Variants in CYP8B1 observed in about 807,000 individuals in gnomAD.
CYP8B1 encodes the protein 7-alpha-hydroxycholest-4-en-3-one 12-alpha-hydroxylase.
For synonymous variants in CYP8B1, 221 were observed against 251.2 expected (o/e 0.88, Z 1.14); for missense variants, 594 against 643.7 (o/e 0.92, Z 0.84).
chr3:42,874,058 C>G lies in CYP8B1; in HGVS notation c.*253G>C, dbSNP rs1225870299. 4 of 511,664 alleles carry G rather than the reference C, an allele frequency of 7.8e-6. No individual in the cohort carries two copies. In the Admixed American group the frequency reaches 1.4e-4, roughly 17 times the overall value. The allele number at this position is 511,664 out of a possible 1,614,324, so 31.7% of individuals were successfully genotyped here. ...CAAACCAAGTTGCCCACAGATACTC[C>G]CCCTTCCTCTGGACTTCCTGTGAGA... On this transcript the variant is annotated 3_prime_UTR_variant, in exon 1 of 1. Coordinates refer to ENST00000316161, the MANE Select transcript of CYP8B1 (RefSeq NM_004391.3).
At position 42,874,277 on chromosome 3, in the gene CYP8B1, C is replaced by T. The variant is rs778750576; in HGVS notation, c.*34G>A. 11 of 1,596,996 alleles carry T rather than the reference C, an allele frequency of 6.9e-6. No individual in the cohort carries two copies. Among genetic ancestry groups the T allele is most frequent in the East Asian group, 2.2e-5 (1 of 44,818 alleles). On this transcript the variant is annotated 3_prime_UTR_variant, in exon 1 of 1. Transcript: ENST00000316161. ...AACAGGTGAGAGATGCAATAGAACT[C>T]CTCTGGCCAGGTTTGCAGCTGGCTT...
At position 42,875,554 on chromosome 3, in the gene CYP8B1, G is replaced by A; in HGVS notation, c.263C>T (p.Ser88Phe). Residue 88 changes from serine (S) to phenylalanine (F), a missense_variant, in exon 1 of 1, where the codon TCC (serine) becomes TTC (phenylalanine). Ser to Phe is a radical substitution (Grantham distance 155, BLOSUM62 -2). Coordinates refer to ENST00000316161, the MANE Select transcript of CYP8B1 (RefSeq NM_004391.3). Reference sequence around the variant, plus strand: ...TTTTCTCTGTGTGTCCTTGAGGATGGAGCCAAAGGAGAGGGGGTCCATGAC... The same window carrying A: ...TTTTCTCTGTGTGTCCTTGAGGATGAAGCCAAAGGAGAGGGGGTCCATGAC... ...TFVMDPLSFG[S>F]ILKDTQRKLD... 6.6e-7 allele frequency: 1 copy of A among 1,523,196 alleles called. No homozygotes were observed. The highest frequency in any genetic ancestry group is 8.8e-7 in the Non-Finnish European group (1 of 1,134,294). 94.4% of individuals were successfully genotyped at this position (1,523,196 alleles called of 1,614,324 possible). A position where few individuals can be genotyped will look rare whatever the true frequency, so the allele number is the denominator to read the frequency against.
rs953058812 is a variant in CYP8B1 at position 42,874,687 on chromosome 3, C to T, written c.1130G>A (p.Arg377His). ...KMSSGQEYLF[R>H]HGDILALFPY... ...AAAGAGGGCCAGGATGTCTCCATGG[C>T]GGAACAGATACTCCTGCCCACTGGA... The change falls in exon 1 of 1, where the codon CGC becomes CAC. Residue 377 changes from arginine (R) to histidine (H), a missense_variant. By Grantham distance (29) the Arg-to-His change is conservative. Coordinates refer to ENST00000316161, the MANE Select transcript of CYP8B1 (RefSeq NM_004391.3). The T allele has an allele frequency of 8.7e-6, 14 of 1,613,994 alleles. No homozygotes were observed. Among genetic ancestry groups the T allele is most frequent in the South Asian group, 1.1e-5 (1 of 91,050 alleles).
At position 42,875,150 on chromosome 3, in the gene CYP8B1, G is replaced by C; in HGVS notation, c.667C>G (p.Pro223Ala). 1.9e-6 allele frequency: 3 copies of C among 1,612,238 alleles called. No individual in the cohort carries two copies. Among genetic ancestry groups the C allele is most frequent in the Non-Finnish European group, 2.5e-6 (3 of 1,179,078 alleles). The change falls in exon 1 of 1, where the codon CCC (proline) becomes GCC (alanine). Residue 223 changes from proline to alanine, a missense_variant. Pro to Ala is a conservative substitution (Grantham distance 27). Coordinates refer to ENST00000316161, the MANE Select transcript of CYP8B1 (RefSeq NM_004391.3). Reference protein sequence around the residue: ...FPRFVYSLLWPREWLEVGRLQ... With the variant: ...FPRFVYSLLWAREWLEVGRLQ... ...CGGCCCACTTCTAGCCACTCCCGGG[G>C]CCACAGCAGGGAGTAGACAAACCTT...
At position 42,874,330 on chromosome 3, in the gene CYP8B1, C is replaced by T. The variant is rs774791142; in HGVS notation, c.1487G>A (p.Arg496His). The change falls in exon 1 of 1, where the codon CGC becomes CAC. Residue 496 changes from arginine (R) to histidine (H), a missense_variant. Arg to His is a conservative substitution (Grantham distance 29, BLOSUM62 0). Coordinates refer to ENST00000316161, the MANE Select transcript of CYP8B1 (RefSeq NM_004391.3). The stretch of plus-strand genomic sequence containing the variant: ...CCAAGCTCACTCTGTAGGATGCAGG[C>T]GGTAGCGGAAGCGCACATCGTGGCT... ...QPSHDVRFRY[R>H]LHPTE 43 of 1,613,796 alleles carry T rather than the reference C, an allele frequency of 2.7e-5. No homozygotes were observed. The East Asian group carries it at 3.6e-4, about 13-fold the overall frequency.
rs1334601163 is a variant in CYP8B1, at chr3:42,872,627, A to G, written c.*1684T>C. 2 of 152,310 alleles carry G rather than the reference A, an allele frequency of 1.3e-5. No homozygotes were observed. The highest frequency in any genetic ancestry group is 3.9e-4 in the East Asian group (2 of 5,192). The allele number at this position is 152,310 out of a possible 1,614,324, so 9.4% of individuals were successfully genotyped here. On this transcript the variant is annotated 3_prime_UTR_variant, in exon 1 of 1. Transcript: ENST00000316161. ...GTCAAAGGGGAACCAGGAAAGTAAA[A>G]GAGTGACAATCAGCAGTGCTTTTGG...
In CYP8B1 at chr3:42,872,612, A is replaced by G. The variant is rs890065443; in HGVS notation, c.*1699T>C. 3 of 152,294 alleles carry G rather than the reference A, an allele frequency of 2.0e-5. No individual in the cohort carries two copies. The highest frequency in any genetic ancestry group is 1.3e-4 in the Admixed American group (2 of 15,284). 9.4% of individuals were successfully genotyped at this position (152,294 alleles called of 1,614,324 possible). On this transcript the variant is annotated 3_prime_UTR_variant, in exon 1 of 1. Transcript: ENST00000316161. ...CGTCAAGTGTGTGAAGTCAAAGGGG[A>G]ACCAGGAAAGTAAAAGAGTGACAAT... is the stretch of plus-strand genomic sequence containing the variant.
At position 42,874,601 on chromosome 3, in the gene CYP8B1, C is replaced by G. The variant is rs1037585674; in HGVS notation, c.1216G>C (p.Asp406His). Residue 406 changes from aspartate to histidine, a missense_variant, in exon 1 of 1, where the codon GAT becomes CAT. Coordinates refer to ENST00000316161, the MANE Select transcript of CYP8B1 (RefSeq NM_004391.3). ...IHPEPTVFKY[D>H]RFLNPNGSRK... ...CTGCCATTAGGGTTGAGGAAGCGAT[C>G]GTACTTGAAGACGGTGGGCTCAGGG... 5 of 1,613,928 alleles carry G rather than the reference C, an allele frequency of 3.1e-6. No individual in the cohort carries two copies. The highest frequency in any genetic ancestry group is 1.3e-5 in the African/African-American group (1 of 74,868).
rs1275438319 is a variant in CYP8B1, at chr3:42,875,231, G to T, written c.586C>A (p.Leu196Met). The T allele has an allele frequency of 6.3e-7, 1 of 1,589,102 alleles. No individual in the cohort carries two copies. The highest frequency in any genetic ancestry group is 1.7e-5 in the Admixed American group (1 of 57,982). ...ATGAATAACTCTCCTGCCTGTAGCA[G>T]GTCCTGCTCCTTGTCCTTCGTGTAG... Reference protein sequence around the residue: ...FGYTKDKEQDLLQAGELFMEF... With the variant: ...FGYTKDKEQDMLQAGELFMEF... The change falls in exon 1 of 1, where the codon CTG (leucine) becomes ATG (methionine). Residue 196 changes from leucine (L) to methionine (M), a missense_variant. Transcript: ENST00000316161.
Position 42,875,099 on chromosome 3 carries a change from G to C in CYP8B1, c.718C>G (p.Leu240Val). Residue 240 changes from leucine (L) to valine (V), a missense_variant, in exon 1 of 1, where the codon CTC (leucine) becomes GTC (valine). Transcript: ENST00000316161. Reference protein sequence around the residue: ...GRLQRLFHKMLSVSHSQEKEG... With the variant: ...GRLQRLFHKMVSVSHSQEKEG... The stretch of plus-strand genomic sequence containing the variant: ...TTCTCCTGGCTGTGGCTCACGGAGA[G>C]CATCTTGTGAAAGAGACGCTGGAGT... 6.2e-7 allele frequency: 1 copy of C among 1,613,640 alleles called. No individual in the cohort carries two copies. Among genetic ancestry groups the C allele is most frequent in the Admixed American group, 1.7e-5 (1 of 60,008 alleles).
chr3:42,874,240 C>A lies in CYP8B1; in HGVS notation c.*71G>T, dbSNP rs2088496114. Reference sequence around the variant, plus strand: ...GGTGGCCAGTGGGGTCTTGGGGCTGCAGAGGGGTGAGAACAGGTGAGAGAT... The same window carrying A: ...GGTGGCCAGTGGGGTCTTGGGGCTGAAGAGGGGTGAGAACAGGTGAGAGAT... On this transcript the variant is annotated 3_prime_UTR_variant, in exon 1 of 1. Coordinates refer to ENST00000316161, the MANE Select transcript of CYP8B1 (RefSeq NM_004391.3). 1 of 1,431,114 alleles carries A rather than the reference C, an allele frequency of 7.0e-7. No homozygotes were observed. Among genetic ancestry groups the A allele is most frequent in the African/African-American group, 1.4e-5 (1 of 71,396 alleles). 88.7% of individuals were successfully genotyped at this position (1,431,114 alleles called of 1,614,324 possible). A position where few individuals can be genotyped will look rare whatever the true frequency, so the allele number is the denominator to read the frequency against.
chr3:42,874,785 C>T lies in CYP8B1; in HGVS notation c.1032G>A (p.Val344=). The T allele has an allele frequency of 5.6e-6, 9 of 1,614,072 alleles. No individual in the cohort carries two copies. Among genetic ancestry groups the T allele is most frequent in the Non-Finnish European group, 7.6e-6 (9 of 1,180,002 alleles). The stretch of plus-strand genomic sequence containing the variant: ...CAGCCCTCAGCCGCAGCGTCTCCTC[C>T]ACCACGCTGTCTAGAACTGGGGTGT... The part of the protein sequence containing the change: ...LQHTPVLDSV[V]EETLRLRAAP... Residue 344 remains valine, a synonymous_variant, in exon 1 of 1, where the codon GTG becomes GTA. Coordinates refer to ENST00000316161, the MANE Select transcript of CYP8B1 (RefSeq NM_004391.3).
rs1433172673 is a variant in CYP8B1 at position 42,875,061 on chromosome 3, G to A, written c.756C>T (p.Ser252=). 6.2e-7 allele frequency: 1 copy of A among 1,613,924 alleles called. No individual in the cohort carries two copies. Among genetic ancestry groups the A allele is most frequent in the East Asian group, 2.2e-5 (1 of 44,870 alleles). The change falls in exon 1 of 1, where the codon AGC becomes AGT. Residue 252 remains serine (S), a synonymous_variant. Coordinates refer to ENST00000316161, the MANE Select transcript of CYP8B1 (RefSeq NM_004391.3). ...VSHSQEKEGI[S]NWLGNMLQFL... ...ACTGAAGCATGTTGCCCAGCCAGTT[G>A]CTGATGCCCTCCTTCTCCTGGCTGT...
Position 42,874,613 on chromosome 3 carries a change from C to T in CYP8B1, c.1204G>A (p.Val402Ile), listed in dbSNP as rs112066175. 13,578 of 1,614,040 alleles carry T rather than the reference C, an allele frequency of 8.4e-3. 77 individuals carry two copies. The highest frequency in any genetic ancestry group is 1.0e-2 in the Non-Finnish European group (11,795 of 1,180,006). ...TTGAGGAAGCGATCGTACTTGAAGA[C>T]GGTGGGCTCAGGGTGGATGTCAGGG... ...MDPDIHPEPT[V>I]FKYDRFLNPN... is the part of the protein sequence containing the mutation. The change falls in exon 1 of 1, where the codon GTC becomes ATC. Residue 402 changes from valine (V) to isoleucine (I), a missense_variant. Physicochemically the swap from Val to Ile is conservative, Grantham distance 29. Transcript: ENST00000316161.
chr3:42,875,021 C>A lies in CYP8B1; in HGVS notation c.796G>T (p.Gly266Trp), dbSNP rs750816506. The stretch of plus-strand genomic sequence containing the variant: ...TTGTCCTGCATAGCTGAGGGTACCC[C>A]CTGCTCCCTCAGAAACTGAAGCATG... ...GNMLQFLREQ[G>W]VPSAMQDKFN... Residue 266 changes from glycine (G) to tryptophan (W), a missense_variant, in exon 1 of 1, where the codon GGG (glycine) becomes TGG (tryptophan). By Grantham distance (184) the Gly-to-Trp change is radical (BLOSUM62 -2). Coordinates refer to ENST00000316161, the MANE Select transcript of CYP8B1 (RefSeq NM_004391.3). 16 of 1,613,820 alleles carry A rather than the reference C, an allele frequency of 9.9e-6. No individual in the cohort carries two copies. In the South Asian group the frequency reaches 1.8e-4, roughly 18 times the overall value.
Position 42,874,041 on chromosome 3 carries a change from G to A in CYP8B1, c.*270C>T. 2.1e-6 allele frequency: 1 copy of A among 474,870 alleles called. No individual in the cohort carries two copies. 29.4% of individuals were successfully genotyped at this position (474,870 alleles called of 1,614,324 possible). A position where few individuals can be genotyped will look rare whatever the true frequency, so the allele number is the denominator to read the frequency against. On this transcript the variant is annotated 3_prime_UTR_variant, in exon 1 of 1. Transcript: ENST00000316161. Reference sequence around the variant, plus strand: ...AGGCAGGCATCATCTCCCAAACCAAGTTGCCCACAGATACTCCCCCTTCCT... The same window carrying A: ...AGGCAGGCATCATCTCCCAAACCAAATTGCCCACAGATACTCCCCCTTCCT...
Position 42,875,194 on chromosome 3 carries a change from T to G in CYP8B1, c.623A>C (p.Lys208Thr). 1.9e-6 allele frequency: 3 copies of G among 1,594,326 alleles called. No individual in the cohort carries two copies. In the South Asian group the frequency reaches 3.4e-5, roughly 18 times the overall value. Residue 208 changes from lysine to threonine, a missense_variant, in exon 1 of 1, where the codon AAG becomes ACG. By Grantham distance (78) the Lys-to-Thr change is moderately conservative. Coordinates refer to ENST00000316161, the MANE Select transcript of CYP8B1 (RefSeq NM_004391.3). ...AAACCTTGGGAAAAGAAGGTCAAAC[T>G]TGCGGAACTCCATGAATAACTCTCC... ...QAGELFMEFR[K>T]FDLLFPRFVY...
At position 42,874,946 on chromosome 3, in the gene CYP8B1, A is replaced by C. The variant is rs779686348; in HGVS notation, c.871T>G (p.Ser291Ala). 3.7e-6 allele frequency: 6 copies of C among 1,612,004 alleles called. No individual in the cohort carries two copies. The highest frequency in any genetic ancestry group is 4.2e-6 in the Non-Finnish European group (5 of 1,178,818). The change falls in exon 1 of 1, where the codon TCT (serine) becomes GCT (alanine). Residue 291 changes from serine (S) to alanine (A), a missense_variant. Physicochemically the swap from Ser to Ala is moderately conservative, Grantham distance 99. Transcript: ENST00000316161. ...WASQGNTGPTSFWALLYLLKH... is the reference protein window; with the variant it reads ...WASQGNTGPTAFWALLYLLKH... ...AGGAGGTACAAGAGGGCCCAGAAAG[A>C]GGTAGGCCCCGTGTTCCCCTGGGAG... is the stretch of plus-strand genomic sequence containing the variant.
Position 42,874,964 on chromosome 3 carries a change from C to T in CYP8B1, c.853G>A (p.Gly285Arg). ...FNFMMLWASQ[G>R]NTGPTSFWAL... ...CAGAAAGAGGTAGGCCCCGTGTTCC[C>T]CTGGGAGGCCCAGAGCATCATGAAG... is the stretch of plus-strand genomic sequence containing the variant. The change falls in exon 1 of 1, where the codon GGG becomes AGG. Residue 285 changes from glycine to arginine, a missense_variant. Transcript: ENST00000316161. 1 of 1,613,566 alleles carries T rather than the reference C, an allele frequency of 6.2e-7. No homozygotes were observed. Among genetic ancestry groups the T allele is most frequent in the Non-Finnish European group, 8.5e-7 (1 of 1,179,788 alleles).
Sources: allele counts gnomAD v4.1 joint callset, GRCh38; gene constraint gnomAD v4.1.1; transcripts MANE v1.5; gene names NCBI Gene and HGNC (gene_info 2026-07-23, HGNC 2026-07-21).